UBE2R2: variants seen among roughly 807,000 people sequenced by gnomAD.
UBE2R2 encodes the protein ubiquitin-conjugating enzyme E2 R2.
A neutral mutation model predicts 27.8 loss-of-function variants in UBE2R2; 1 was observed. The observed-to-expected ratio is 0.04, with a 90% CI of 0.01 to 0.17. UBE2R2 has a LOEUF of 0.17. Ranked by LOEUF, UBE2R2 falls within the 10% of genes least tolerant of loss-of-function variation. The pLI, the probability that UBE2R2 is intolerant of heterozygous loss-of-function variation, is 1.00. For synonymous variants in UBE2R2, 106 were observed against 113.3 expected (o/e 0.94, Z 0.41); for missense variants, 100 against 291.0 (o/e 0.34, Z 4.78).
At chr9:33,866,876 A>G (rs571074585) in intron 1 of UBE2R2, among the ~76,000 whole-genome samples, 58 of 152,318 alleles carry the variant, frequency 3.8e-4, no homozygotes, top group African/African-American at 1.4e-3. Flanking sequence ...ATCCACATAC[A>G]TGTATTGTGA....
At chr9:33,863,432 A>G (rs908587441) in intron 1 of UBE2R2, among the ~76,000 whole-genome samples, 1 of 151,850 alleles carries the variant, frequency 6.6e-6, no homozygotes, top group African/African-American at 2.4e-5. Context: ...GAATCGCCTG[A>G]ACCCGGGAGG....
chr9:33,886,145 A>G (rs1458785147), intron 1 of UBE2R2, among the ~76,000 whole-genome samples: 2 of 152,222 alleles, frequency 1.3e-5, no homozygotes, highest in Non-Finnish European at 2.9e-5. Flanking sequence ...GAAATCAGCA[A>G]TGTCAGCATT....
At chr9:33,821,142 A>G (rs188897182) in intron 1 of UBE2R2, among the ~76,000 whole-genome samples, 7 of 152,326 alleles carry the variant, frequency 4.6e-5, no homozygotes, top group Admixed American at 3.9e-4. Context: ...ACTTTTAACA[A>G]GTTCACCCCC....
At chr9:33,899,861 C>G (rs933909728) in intron 2 of UBE2R2, among the ~76,000 whole-genome samples, 9 of 152,156 alleles carry the variant, frequency 5.9e-5, no homozygotes, top group Non-Finnish European at 1.3e-4. Flanking sequence ...GAAAATATAC[C>G]TTGGAGATTG....
At chr9:33,896,537 G>A (rs533967264) in intron 2 of UBE2R2, among the ~76,000 whole-genome samples, 3 of 152,040 alleles carry the variant, frequency 2.0e-5, no homozygotes, top group African/African-American at 7.2e-5. Context: ...CCGCCTCCTG[G>A]GTTCAAGCGA....
chr9:33,823,495 C>CCT (rs1820214606), intron 1 of UBE2R2, among the ~76,000 whole-genome samples: 1 of 152,186 alleles, frequency 6.6e-6, no homozygotes, highest in Non-Finnish European at 1.5e-5. Context: ...CCTGCCTTAG[C>CCT]CTCCCAAGTA....
At chr9:33,872,916 T>A (rs1821518321) in intron 1 of UBE2R2, among the ~76,000 whole-genome samples, 1 of 152,164 alleles carries the variant, frequency 6.6e-6, no homozygotes, top group Non-Finnish European at 1.5e-5. Context: ...GGCTCTCACC[T>A]GTAATCCCAG....
chr9:33,847,467 C>T (rs181564457), intron 1 of UBE2R2, among the ~76,000 whole-genome samples: 1 of 152,214 alleles, frequency 6.6e-6, no homozygotes, highest in African/African-American at 2.4e-5. Context: ...CTTTTGGCTG[C>T]TTTTAATATT....
In UBE2R2 at chr9:33,895,961, C is replaced by CG. The variant is rs1587475348; in HGVS notation, c.265-4209dup. Among the ~76,000 whole-genome samples the CG allele has an allele frequency of 2.0e-5, 3 of 151,548 alleles. No individual in the cohort carries two copies. The South Asian group carries it at 6.2e-4, about 32-fold the overall frequency. On this transcript the variant is annotated intron_variant, in intron 2 of 4. Transcript: ENST00000263228. The stretch of plus-strand genomic sequence containing the variant: ...CAAATTTTTTGTATTTTTGTAGAGA[C>CG]GGGGTTTCACCATGTTGGCCAGGAT...
chr9:33,840,245 T>C (rs1027724499), intron 1 of UBE2R2, among the ~76,000 whole-genome samples: 2 of 152,164 alleles, frequency 1.3e-5, no homozygotes, highest in African/African-American at 4.8e-5. Context: ...GAGCCATCCA[T>C]GTGTTCCATT....
chr9:33,877,823 G>GTCTGTCTGTCTGTCTCTC, intron 1 of UBE2R2, among the ~76,000 whole-genome samples: 3 of 131,102 alleles, frequency 2.3e-5, no homozygotes, highest in African/African-American at 9.9e-5. Flanking sequence ...CTGTCTGTCT[G>GTCTGTCTGTCTGTCTCTC]TCTCTCTCTC....
chr9:33,893,828 T>G (rs1822038341), intron 2 of UBE2R2, among the ~76,000 whole-genome samples: 1 of 152,122 alleles, frequency 6.6e-6, no homozygotes, highest in Admixed American at 6.6e-5. Context: ...GACGGGATTT[T>G]GCCATGTTGG....
At position 33,920,256 on chromosome 9, in the gene UBE2R2, T is replaced by C. The variant is rs1009619126; in HGVS notation, c.*3019T>C. On this transcript the variant is annotated 3_prime_UTR_variant, in exon 5 of 5. Transcript: ENST00000263228. ...TAATAGTTTTAGCTGAAATTGTAGATGTTTTGCTTCAGTTTAACTTATGAG... is the reference window on the plus strand; with the variant it reads ...TAATAGTTTTAGCTGAAATTGTAGACGTTTTGCTTCAGTTTAACTTATGAG... 1.3e-5 allele frequency: 2 copies of C among 152,590 alleles called. No homozygotes were observed. The highest frequency in any genetic ancestry group is 2.9e-5 in the Non-Finnish European group (2 of 68,044). 9.5% of individuals were successfully genotyped at this position (152,590 alleles called of 1,614,324 possible).
intron 1 of UBE2R2, among the ~76,000 whole-genome samples, chr9:33,862,514 C>T (rs947130977): frequency 1.3e-5 from 2 of 152,176 alleles, no homozygotes; most frequent in African/African-American, 2.4e-5. Flanking sequence ...AATTACATGC[C>T]GTGTGCTCTC....
rs1177722087 is a variant in UBE2R2 at position 33,817,733 on chromosome 9, C to T, written c.-25C>T. 1.6e-6 allele frequency: 2 copies of T among 1,220,676 alleles called. No individual in the cohort carries two copies. Among genetic ancestry groups the T allele is most frequent in the African/African-American group, 1.8e-5 (1 of 56,218 alleles). The allele number at this position is 1,220,676 out of a possible 1,614,324, so 75.6% of individuals were successfully genotyped here. On this transcript the variant is annotated 5_prime_UTR_variant, in exon 1 of 5. Coordinates refer to ENST00000263228, the MANE Select transcript of UBE2R2 (RefSeq NM_017811.4). ...CGTGAGGACTGGGGCCCGGGCCCGG[C>T]GCCGCCGCCGCCGCCGCCGCCGCGA...
Position 33,917,487 on chromosome 9 carries a change from T to C in UBE2R2, c.*250T>C. ...TACCCTTCCATCACTATATTGATTC[T>C]TTTTTTAAAAAATATGAACCCAAAC... On this transcript the variant is annotated 3_prime_UTR_variant, in exon 5 of 5. Transcript: ENST00000263228. 1 of 571,150 alleles carries C rather than the reference T, an allele frequency of 1.8e-6. No homozygotes were observed. Among genetic ancestry groups the C allele is most frequent in the Non-Finnish European group, 3.0e-6 (1 of 336,272 alleles). The allele number at this position is 571,150 out of a possible 1,614,324, so 35.4% of individuals were successfully genotyped here. A position where few individuals can be genotyped will look rare whatever the true frequency, so the allele number is the denominator to read the frequency against.
chr9:33,864,359 A>G (rs1452498059), intron 1 of UBE2R2, among the ~76,000 whole-genome samples: 1 of 152,158 alleles, frequency 6.6e-6, no homozygotes, highest in Non-Finnish European at 1.5e-5. Flanking sequence ...TAGATTAGCC[A>G]TAACAAACCA....
At chr9:33,849,405 T>C (rs1820916048) in intron 1 of UBE2R2, among the ~76,000 whole-genome samples, 2 of 152,176 alleles carry the variant, frequency 1.3e-5, no homozygotes, top group Non-Finnish European at 2.9e-5. Context: ...TAAAGAAATA[T>C]CTGTTATATA....
chr9:33,899,360 C>T (rs888303392), intron 2 of UBE2R2, among the ~76,000 whole-genome samples: 8 of 151,836 alleles, frequency 5.3e-5, no homozygotes, highest in African/African-American at 9.7e-5. Flanking sequence ...CCACCACGCC[C>T]GGCTAATTTT....
Sources: gnomAD v4.1 joint callset for allele counts (sites outside exome capture counted in the v4.1 genomes callset) on GRCh38, gnomAD v4.1.1 for gene constraint, MANE v1.5 for transcripts, NCBI Gene and HGNC (gene_info 2026-07-23, HGNC 2026-07-21) for gene names.